ATRNL1: variants seen among roughly 807,000 people sequenced by gnomAD.
ATRNL1 encodes attractin-like protein 1.
Under a neutral mutation model 182.7 loss-of-function variants are expected in ATRNL1, and 95 were observed. The observed-to-expected ratio is 0.52, with a 90% CI of 0.44 to 0.62. The LOEUF is 0.62. Among genes scored for constraint, ATRNL1 ranks in the 20% least tolerant of loss-of-function variants. ATRNL1 has a pLI of 0.00. For synonymous variants in ATRNL1, 576 were observed against 568.3 expected (o/e 1.01, Z -0.19); for missense variants, 1,471 against 1,679.5 (o/e 0.88, Z 2.17).
intron 28 of ATRNL1, among the ~76,000 whole-genome samples, chr10:115,878,758 A>G (rs1555107818): frequency 6.6e-6 from 1 of 152,092 alleles, no homozygotes; most frequent in Non-Finnish European, 1.5e-5. Flanking sequence ...AATACCATGT[A>G]ATACTAGTGC....
chr10:115,240,835 A>T (rs782760750), intron 9 of ATRNL1, among the ~76,000 whole-genome samples: 1 of 152,050 alleles, frequency 6.6e-6, no homozygotes, highest in Non-Finnish European at 1.5e-5. Flanking sequence ...AAGAACATTT[A>T]TATTAATTTT....
At chr10:115,557,530 G>A (rs1029984324) in intron 26 of ATRNL1, among the ~76,000 whole-genome samples, 12 of 151,788 alleles carry the variant, frequency 7.9e-5, no homozygotes, top group Non-Finnish European at 1.8e-4. Context: ...AAAAAATTCT[G>A]GTGGTTCAAG....
chr10:115,847,979 C>T lies in ATRNL1; in HGVS notation c.4006C>T (p.Pro1336Ser), dbSNP rs781927639. The T allele has an allele frequency of 1.9e-6, 3 of 1,598,142 alleles. No homozygotes were observed. Among genetic ancestry groups the T allele is most frequent in the Non-Finnish European group, 2.6e-6 (3 of 1,166,050 alleles). The change falls in exon 28 of 29, where the codon CCT becomes TCT. Residue 1336 changes from proline to serine, a missense_variant. This residue lies in a region of ATRNL1 where 437 missense variants were observed against 506.0 expected (regional missense o/e 0.86). Coordinates refer to ENST00000355044, the MANE Select transcript of ATRNL1 (RefSeq NM_207303.4). ...ACGAGGATCATCAGGTGCCCCTCCCCCTGGGCAGTCAGGTATGATAAATGA... is the reference window on the plus strand; with the variant it reads ...ACGAGGATCATCAGGTGCCCCTCCCTCTGGGCAGTCAGGTATGATAAATGA... ...LPRGSSGAPP[P>S]GQSGLAIASA... is the part of the protein sequence containing the mutation.
intron 27 of ATRNL1, among the ~76,000 whole-genome samples, chr10:115,844,017 G>T (rs149651247): frequency 3.9e-5 from 6 of 152,162 alleles, no homozygotes; most frequent in African/African-American, 1.4e-4. Flanking sequence ...CATCGGGTAG[G>T]TATTGACATC....
chr10:115,334,538 T>C, intron 19 of ATRNL1, 119 bp downstream of exon 19: 1 of 610,358 alleles, frequency 1.6e-6, no homozygotes, highest in African/African-American at 1.9e-5. Flanking sequence ...AGTTTTAGTA[T>C]GTTTTCTAAA....
chr10:115,232,477 G>A (rs368834862), intron 9 of ATRNL1, among the ~76,000 whole-genome samples: 3 of 151,892 alleles, frequency 2.0e-5, no homozygotes, highest in Admixed American at 6.6e-5. Flanking sequence ...TTTATATTTT[G>A]CCAACATTTT....
At chr10:115,364,748 A>C (rs1378656989) in intron 19 of ATRNL1, among the ~76,000 whole-genome samples, 2 of 151,870 alleles carry the variant, frequency 1.3e-5, no homozygotes, top group African/African-American at 4.9e-5. Flanking sequence ...GAATTTTGTC[A>C]AAGGCTTTTT....
chr10:115,893,973 A>C (rs1416212597), intron 28 of ATRNL1, among the ~76,000 whole-genome samples: 2 of 152,184 alleles, frequency 1.3e-5, no homozygotes, highest in Non-Finnish European at 2.9e-5. Flanking sequence ...CCAAAAAAAA[A>C]AAATCTTAGG....
intron 19 of ATRNL1, among the ~76,000 whole-genome samples, chr10:115,391,076 T>A (rs1843992662): frequency 6.6e-6 from 1 of 152,194 alleles, no homozygotes; most frequent in Non-Finnish European, 1.5e-5. Context: ...GTAGACAAGA[T>A]CATGTCATCA....
intron 26 of ATRNL1, among the ~76,000 whole-genome samples, chr10:115,561,143 T>C (rs1853681779): frequency 6.6e-6 from 1 of 152,044 alleles, no homozygotes; most frequent in South Asian, 2.1e-4. Flanking sequence ...AAAAAAAAAT[T>C]GGAATTCATT....
chr10:115,687,781 C>T (rs1443779957), intron 26 of ATRNL1, among the ~76,000 whole-genome samples: 6 of 151,956 alleles, frequency 3.9e-5, no homozygotes, highest in Non-Finnish European at 8.8e-5. Context: ...TATCAATCAT[C>T]TTGAATGTTT....
At chr10:115,783,443 C>T (rs541792562) in intron 27 of ATRNL1, among the ~76,000 whole-genome samples, 10 of 152,242 alleles carry the variant, frequency 6.6e-5, no homozygotes, top group African/African-American at 2.4e-4. Context: ...GTGAACATAT[C>T]ATTTAACCTC....
At chr10:115,924,738 C>T (rs1451852261) in intron 28 of ATRNL1, among the ~76,000 whole-genome samples, 2 of 152,078 alleles carry the variant, frequency 1.3e-5, no homozygotes, top group African/African-American at 4.8e-5. Flanking sequence ...ACAGGGTCTT[C>T]TTTGATTCCA....
At chr10:115,602,199 C>T (rs189113686) in intron 26 of ATRNL1, among the ~76,000 whole-genome samples, 32 of 152,040 alleles carry the variant, frequency 2.1e-4, no homozygotes, top group African/African-American at 7.2e-4. Context: ...ACTACAGATG[C>T]AAAAATTAGC....
intron 19 of ATRNL1, among the ~76,000 whole-genome samples, chr10:115,345,206 C>T (rs1554939379): frequency 2.0e-5 from 3 of 152,198 alleles, no homozygotes. Context: ...CCCAGACTGC[C>T]TTTCAACTTC....
intron 11 of ATRNL1, 110 bp from the exon 12 acceptor site, chr10:115,266,687 T>C (rs782659045): frequency 9.2e-5 from 57 of 620,340 alleles, no homozygotes; most frequent in Non-Finnish European, 1.4e-4. Flanking sequence ...ACAGAAGTAC[T>C]TAAAATAGTA....
intron 23 of ATRNL1, among the ~76,000 whole-genome samples, chr10:115,467,624 A>G (rs1260415303): frequency 6.6e-6 from 1 of 150,762 alleles, no homozygotes; most frequent in African/African-American, 2.4e-5. Flanking sequence ...TAATATTTAT[A>G]TAAAACAATG....
chr10:115,769,373 C>T (rs1204903181), intron 27 of ATRNL1, among the ~76,000 whole-genome samples: 2 of 152,152 alleles, frequency 1.3e-5, no homozygotes, highest in Admixed American at 1.3e-4. Context: ...ACCAACAACA[C>T]TGTGGGCTCA....
At chr10:115,464,665 G>C (rs147141667) in intron 22 of ATRNL1, among the ~76,000 whole-genome samples, 1 of 151,980 alleles carries the variant, frequency 6.6e-6, no homozygotes, top group East Asian at 1.9e-4. Flanking sequence ...TGGAAATTTT[G>C]TGTGACCTTT....
Sources: allele counts gnomAD v4.1 joint callset (sites outside exome capture counted in the v4.1 genomes callset), GRCh38; gene constraint gnomAD v4.1.1; regional missense constraint gnomAD v4.1.1; transcripts MANE v1.5; gene names NCBI Gene and HGNC (gene_info 2026-07-23, HGNC 2026-07-21).